HEATR6: variants seen among roughly 807,000 people sequenced by gnomAD.
The protein encoded by HEATR6 is HEAT repeat containing 6.
Under a neutral mutation model 132.8 loss-of-function variants are expected in HEATR6, and 106 were observed. That is an observed-to-expected ratio of 0.80 (90% CI 0.68 to 0.94). The LOEUF (loss-of-function observed/expected upper bound fraction) is 0.94, where lower values mean the gene tolerates loss of function less well. HEATR6 is among the 40% of genes least tolerant of loss of function. HEATR6 has a pLI of 0.00. For missense variants in HEATR6, 1,339 were observed against 1,425.1 expected, an observed-to-expected ratio of 0.94 and a Z score of 0.97; for synonymous variants, 529 against 537.8, an observed-to-expected ratio of 0.98 and a Z score of 0.23.
At position 60,048,297 on chromosome 17, in the gene HEATR6, A is replaced by T. The variant is rs575071651; in HGVS notation, c.2639T>A (p.Leu880Gln). Residue 880 changes from leucine to glutamine, a missense_variant, in exon 17 of 20, where the codon CTG becomes CAG. Transcript: ENST00000184956. ...LNVRAKAAWS[L>Q]GNLTDTLIVN... The stretch of plus-strand genomic sequence containing the variant: ...AATCAGAGTGTCTGTCAGGTTGCCC[A>T]GGGACCAGGCTGCTTTGGCTCGAAC... 2 of 1,613,704 alleles carry T rather than the reference A, an allele frequency of 1.2e-6. No homozygotes were observed. Among genetic ancestry groups the T allele is most frequent in the Non-Finnish European group, 1.7e-6 (2 of 1,179,814 alleles).
chr17:60,066,135 T>A lies in HEATR6; in HGVS notation c.1416+74A>T, dbSNP rs2083239124. 3 of 1,263,162 alleles carry A rather than the reference T, an allele frequency of 2.4e-6. No homozygotes were observed. In the South Asian group the frequency reaches 3.8e-5, roughly 16 times the overall value. 78.2% of individuals were successfully genotyped at this position (1,263,162 alleles called of 1,614,324 possible). A position where few individuals can be genotyped will look rare whatever the true frequency, so the allele number is the denominator to read the frequency against. On this transcript the variant is annotated intron_variant, in intron 9 of 19. Coordinates refer to ENST00000184956, the MANE Select transcript of HEATR6 (RefSeq NM_022070.5). ...AGAGCTATATTCAGATCAGACAGGA[T>A]AAGGCAGAGATAACAATAAGGATCT...
chr17:60,043,817 T>C lies in HEATR6; in HGVS notation c.3292A>G (p.Ser1098Gly). 2.5e-6 allele frequency: 4 copies of C among 1,614,192 alleles called. No homozygotes were observed. The highest frequency in any genetic ancestry group is 3.4e-6 in the Non-Finnish European group (4 of 1,180,028). The change falls in exon 20 of 20, where the codon AGT becomes GGT. Residue 1098 changes from serine to glycine, a missense_variant. Coordinates refer to ENST00000184956, the MANE Select transcript of HEATR6 (RefSeq NM_022070.5). ...ATATAGGACTGGACCATATTCCCAC[T>C]CAGTTCAAGGGTTTCTTTCATACAA... ...LPCMKETLEL[S>G]GNMVQSYILQ... is the part of the protein sequence containing the mutation.
Position 60,070,810 on chromosome 17 carries a change from A to AG in HEATR6, c.700-4dup. On this transcript the variant is annotated splice_polypyrimidine_tract_variant and splice_region_variant and intron_variant, in intron 5 of 19. Coordinates refer to ENST00000184956, the MANE Select transcript of HEATR6 (RefSeq NM_022070.5). ...CCTTTTAATGCATTTTGCAATAACT[A>AG]GGGGGAAAAGGGAGACCCAGTTAGA... 6.7e-7 allele frequency: 1 copy of AG among 1,483,008 alleles called. No homozygotes were observed. Among genetic ancestry groups the AG allele is most frequent in the South Asian group, 1.1e-5 (1 of 88,442 alleles). The allele number at this position is 1,483,008 out of a possible 1,614,324, so 91.9% of individuals were successfully genotyped here.
Position 60,051,107 on chromosome 17 carries a change from A to G in HEATR6, c.2290-130T>C, listed in dbSNP as rs1057298587. ...GTAGCAGCTTTCTGTAAGTGTTTTC[A>G]TTGGTTCTTCTTCCACAGTGATGTA... On this transcript the variant is annotated intron_variant, in intron 14 of 19. Transcript: ENST00000184956. The G allele has an allele frequency of 1.9e-5, 19 of 986,954 alleles. 1 individual carries two copies. In the Admixed American group the frequency reaches 2.2e-4, roughly 11 times the overall value. 61.1% of individuals were successfully genotyped at this position (986,954 alleles called of 1,614,324 possible).
At chr17:60,058,398 A>G (rs1413266949) in intron 11 of HEATR6, among the ~76,000 whole-genome samples, 2 of 152,228 alleles carry the variant, frequency 1.3e-5, no homozygotes, top group Non-Finnish European at 2.9e-5. Context: ...GGATAAAGTC[A>G]GATACTTGAA....
rs768657424 is a variant in HEATR6, at chr17:60,056,117, T to G, written c.2200A>C (p.Lys734Gln). 2.3e-5 allele frequency: 37 copies of G among 1,613,430 alleles called. No individual in the cohort carries two copies. The highest frequency in any genetic ancestry group is 3.0e-5 in the Non-Finnish European group (35 of 1,179,816). The stretch of plus-strand genomic sequence containing the variant: ...ATTGTGGTTTTGATGAAAATTACCT[T>G]TGCTCCATGAAGCTGAATGGATGGA... The part of the protein sequence containing the change: ...ADPSIQLHGA[K>Q]LLEELGTGLI... Residue 734 changes from lysine to glutamine, a missense_variant and splice_region_variant, in exon 13 of 20, where the codon AAG (lysine) becomes CAG (glutamine). Physicochemically the swap from Lys to Gln is moderately conservative, Grantham distance 53 (BLOSUM62 1). Transcript: ENST00000184956.
At chr17:60,073,399 G>A in intron 3 of HEATR6, 120 bp from the exon 4 acceptor site, 1 of 645,746 alleles carries the variant, frequency 1.5e-6, no homozygotes, top group East Asian at 2.7e-5. Context: ...AAGACTAGCT[G>A]TTAGATAAAT....
At chr17:60,072,766 G>A (rs183053500) in intron 4 of HEATR6, among the ~76,000 whole-genome samples, 1 of 152,148 alleles carries the variant, frequency 6.6e-6, no homozygotes, top group African/African-American at 2.4e-5. Context: ...GAGAATCGAG[G>A]GTGAGCAGCT....
At position 60,049,679 on chromosome 17, in the gene HEATR6, G is replaced by A; in HGVS notation, c.2448C>T (p.Ile816=). 2 of 1,613,588 alleles carry A rather than the reference G, an allele frequency of 1.2e-6. No homozygotes were observed. The highest frequency in any genetic ancestry group is 1.7e-6 in the Non-Finnish European group (2 of 1,179,682). The change falls in exon 16 of 20, where the codon ATC becomes ATT. Residue 816 remains isoleucine, a synonymous_variant. Transcript: ENST00000184956. ...TGTCATTCAGCCCGAGCAGCACTGTGATGCACAGCATCTGCCTGTCATTCT... is the reference window on the plus strand; with the variant it reads ...TGTCATTCAGCCCGAGCAGCACTGTAATGCACAGCATCTGCCTGTCATTCT... The part of the protein sequence containing the change: ...NLPNDRQMLC[I]TVLLGLNDSK...
At chr17:60,052,870 T>G (rs1043764930) in intron 14 of HEATR6, among the ~76,000 whole-genome samples, 7 of 152,074 alleles carry the variant, frequency 4.6e-5, no homozygotes, top group African/African-American at 1.7e-4. Flanking sequence ...GGGACACGGG[T>G]AACGGAATTA....
At position 60,070,732 on chromosome 17, in the gene HEATR6, G is replaced by T; in HGVS notation, c.775C>A (p.Leu259Ile). 1.2e-6 allele frequency: 2 copies of T among 1,605,154 alleles called. No homozygotes were observed. The highest frequency in any genetic ancestry group is 2.2e-5 in the East Asian group (1 of 44,774). The change falls in exon 6 of 20, where the codon CTT becomes ATT. Residue 259 changes from leucine to isoleucine, a missense_variant. Coordinates refer to ENST00000184956, the MANE Select transcript of HEATR6 (RefSeq NM_022070.5). ...GRMKLTQTDELGALLAVLKKF... is the reference protein window; with the variant it reads ...GRMKLTQTDEIGALLAVLKKF... The stretch of plus-strand genomic sequence containing the variant: ...TTTAGCACAGCTAAAAGTGCTCCAA[G>T]TTCATCAGTCTGTGTTAGTTTCATT...
intron 2 of HEATR6, chr17:60,074,270 C>G (rs1041821162): frequency 4.3e-6 from 1 of 230,698 alleles, no homozygotes; most frequent in Non-Finnish European, 7.2e-6. Flanking sequence ...TGCTAAATAC[C>G]TACTGCATCT....
At chr17:60,057,515 A>T in intron 11 of HEATR6, 112 bp from the exon 12 acceptor site, 2 of 679,322 alleles carry the variant, frequency 2.9e-6, no homozygotes, top group Non-Finnish European at 4.9e-6. Context: ...CCTGAATCTA[A>T]TCAAACTTCT....
chr17:60,075,013 T>C (rs2083289470), intron 2 of HEATR6, among the ~76,000 whole-genome samples: 1 of 152,224 alleles, frequency 6.6e-6, no homozygotes, highest in Non-Finnish European at 1.5e-5. Flanking sequence ...CCATTCACAA[T>C]AAGACCATCC....
chr17:60,075,608 A>T (rs531888810), intron 2 of HEATR6: 58 of 152,242 alleles, frequency 3.8e-4, no homozygotes, highest in African/African-American at 1.4e-3. Flanking sequence ...AAAGGGGAAA[A>T]ATATTGGTGG....
Position 60,044,057 on chromosome 17 carries a change from T to A in HEATR6, c.3052A>T (p.Ile1018Phe). The change falls in exon 20 of 20, where the codon ATC becomes TTC. Residue 1018 changes from isoleucine (I) to phenylalanine (F), a missense_variant. Coordinates refer to ENST00000184956, the MANE Select transcript of HEATR6 (RefSeq NM_022070.5). ...VTSCKNFKVRIRSAAALSVPG... is the reference protein window; with the variant it reads ...VTSCKNFKVRFRSAAALSVPG... ...ACGGAAAGGGCAGCTGCAGATCTGA[T>A]GCGCACTTTGAAGTTCTTGCATGAT... is the stretch of plus-strand genomic sequence containing the variant. 1 of 1,614,196 alleles carries A rather than the reference T, an allele frequency of 6.2e-7. No homozygotes were observed. The highest frequency in any genetic ancestry group is 8.5e-7 in the Non-Finnish European group (1 of 1,180,048).
chr17:60,048,089 T>C (rs539168455), intron 17 of HEATR6, among the ~76,000 whole-genome samples, 175 bp downstream of exon 17: 1 of 152,286 alleles, frequency 6.6e-6, no homozygotes, highest in South Asian at 2.1e-4. Flanking sequence ...CTAATATATA[T>C]TAAGAACAGT....
At chr17:60,061,136 T>G (rs1487413214) in intron 9 of HEATR6, among the ~76,000 whole-genome samples, 2 of 152,194 alleles carry the variant, frequency 1.3e-5, no homozygotes, top group African/African-American at 2.4e-5. Context: ...TCAAAAAATT[T>G]AAAAGCAGGG....
chr17:60,073,068 A>C, intron 4 of HEATR6, 96 bp downstream of exon 4: 1 of 662,980 alleles, frequency 1.5e-6, no homozygotes, highest in Non-Finnish European at 2.7e-6. Context: ...TATTTGTCTA[A>C]GTTGGCTCTG....
Sources: gnomAD v4.1 joint callset for allele counts (sites outside exome capture counted in the v4.1 genomes callset) on GRCh38, gnomAD v4.1.1 for gene constraint, MANE v1.5 for transcripts, NCBI Gene and HGNC (gene_info 2026-07-23, HGNC 2026-07-21) for gene names.